PHF7: variants seen among roughly 807,000 people sequenced by gnomAD.
PHF7 encodes the protein E3 ubiquitin-protein ligase PHF7.
PHF7 carries 24 observed loss-of-function variants against 47.5 expected under a neutral mutation model. That is an observed-to-expected ratio of 0.51 (90% CI 0.37 to 0.71). The LOEUF (loss-of-function observed/expected upper bound fraction) is 0.71, where lower values mean the gene tolerates loss of function less well. Among genes scored for constraint, PHF7 ranks in the 30% least tolerant of loss-of-function variants. The probability of loss-of-function intolerance (pLI) is 0.00; values close to 1 mark genes in which losing one functional copy is unlikely to be tolerated. For missense variants in PHF7, 361 were observed against 456.8 expected (o/e 0.79, Z 1.91); for synonymous variants, 156 against 153.8 (o/e 1.01, Z -0.11).
At chr3:52,422,535 C>A in intron 9 of PHF7, 197 bp downstream of exon 9, 3 of 650,306 alleles carry the variant, frequency 4.6e-6, no homozygotes, top group Non-Finnish European at 8.1e-6. Flanking sequence ...TCCGCTTCAC[C>A]TTGTGCCCAG....
In PHF7 at chr3:52,423,375, G is replaced by A. The variant is rs958388281; in HGVS notation, c.*58G>A. 1.7e-5 allele frequency: 20 copies of A among 1,158,610 alleles called. No individual in the cohort carries two copies. Among genetic ancestry groups the A allele is most frequent in the Admixed American group, 9.5e-5 (5 of 52,376 alleles). The allele number at this position is 1,158,610 out of a possible 1,614,324, so 71.8% of individuals were successfully genotyped here. ...GGGTATGAAGCTGCGCTCCTCCATC[G>A]GGTTTGGGGAGGGAGCACTCTGGGA... On this transcript the variant is annotated 3_prime_UTR_variant, in exon 11 of 11. Coordinates refer to ENST00000327906, the MANE Select transcript of PHF7 (RefSeq NM_016483.7).
rs760393867 is a variant in PHF7, at chr3:52,422,859, G to C, written c.897G>C (p.Glu299Asp). The change falls in exon 10 of 11, where the codon GAG (glutamate) becomes GAC (aspartate). Residue 299 changes from glutamate (E) to aspartate (D), a missense_variant. Glu to Asp is a conservative substitution (Grantham distance 45). Transcript: ENST00000327906. ...ACAGTAAGAAATGGGAGTGTGAGGAGTGTTCACCTGCTGCAGCCACAGGTG... is the reference window on the plus strand; with the variant it reads ...ACAGTAAGAAATGGGAGTGTGAGGACTGTTCACCTGCTGCAGCCACAGGTG... ...RSNSKKWECEECSPAAATDYI... is the reference protein window; with the variant it reads ...RSNSKKWECEDCSPAAATDYI... 2 of 1,614,176 alleles carry C rather than the reference G, an allele frequency of 1.2e-6. No individual in the cohort carries two copies. Among genetic ancestry groups the C allele is most frequent in the Non-Finnish European group, 1.7e-6 (2 of 1,180,024 alleles).
chr3:52,414,452 T>C, intron 3 of PHF7, 44 bp from the exon 4 acceptor site: 1 of 1,093,198 alleles, frequency 9.1e-7, no homozygotes, highest in Non-Finnish European at 1.4e-6. Flanking sequence ...TCTTCCATTC[T>C]TAATGGTCAA....
chr3:52,419,724 C>T (rs1214425039), intron 4 of PHF7, 109 bp from the exon 5 acceptor site: 3 of 750,362 alleles, frequency 4.0e-6, no homozygotes, highest in Admixed American at 2.0e-5. Flanking sequence ...AGCCACCACA[C>T]CCGGCCCAAG....
intron 6 of PHF7, 89 bp from the exon 7 acceptor site, chr3:52,420,814 C>A: frequency 1.7e-6 from 2 of 1,204,054 alleles, no homozygotes; most frequent in Non-Finnish European, 2.4e-6. Flanking sequence ...TGGGCACCAG[C>A]CTGGGTGGCT....
At chr3:52,414,148 G>C in intron 3 of PHF7, 100 bp downstream of exon 3, 1 of 770,474 alleles carries the variant, frequency 1.3e-6, no homozygotes, top group Non-Finnish European at 2.3e-6. Flanking sequence ...CTCTCTCCCA[G>C]CCCTACTTCC....
chr3:52,422,334 G>A lies in PHF7; in HGVS notation c.793G>A (p.Glu265Lys), dbSNP rs750409226. 1 of 1,591,880 alleles carries A rather than the reference G, an allele frequency of 6.3e-7. No homozygotes were observed. The highest frequency in any genetic ancestry group is 2.2e-5 in the East Asian group (1 of 44,762). Residue 265 changes from glutamate (E) to lysine (K), a missense_variant, in exon 9 of 11, where the codon GAA becomes AAA. By Grantham distance (56) the Glu-to-Lys change is moderately conservative. Coordinates refer to ENST00000327906, the MANE Select transcript of PHF7 (RefSeq NM_016483.7). Reference protein sequence around the residue: ...YEQGRDSFEDEGRWCLILCAT... With the variant: ...YEQGRDSFEDKGRWCLILCAT... ...ACAAGGCAGAGACAGCTTTGAGGATGAAGGGTAGGGGAAGGCTTCTGGCTA... is the reference window on the plus strand; with the variant it reads ...ACAAGGCAGAGACAGCTTTGAGGATAAAGGGTAGGGGAAGGCTTCTGGCTA...
chr3:52,422,735 A>G, intron 9 of PHF7, 25 bp from the exon 10 acceptor site: 1 of 1,613,776 alleles, frequency 6.2e-7, no homozygotes, highest in Non-Finnish European at 8.5e-7. Context: ...ATGTCTCCAC[A>G]ACCCTTCCTG....
At chr3:52,415,975 G>A (rs548856589) in intron 4 of PHF7, among the ~76,000 whole-genome samples, 2 of 152,266 alleles carry the variant, frequency 1.3e-5, no homozygotes, top group African/African-American at 2.4e-5. Context: ...TGTCCAAAGC[G>A]GTTGTACCAG....
At chr3:52,423,011 G>C in intron 10 of PHF7, 80 bp from the exon 11 acceptor site, 1 of 1,502,138 alleles carries the variant, frequency 6.7e-7, no homozygotes, top group Non-Finnish European at 9.2e-7. Flanking sequence ...TGGAAGGAAA[G>C]TAGCTAGAGA....
At chr3:52,417,381 G>A (rs1421833408) in intron 4 of PHF7, among the ~76,000 whole-genome samples, 1 of 152,094 alleles carries the variant, frequency 6.6e-6, no homozygotes, top group African/African-American at 2.4e-5. Context: ...GTCAATTTGG[G>A]AAGAATTGAC....
chr3:52,417,315 T>A (rs1705655562), intron 4 of PHF7, among the ~76,000 whole-genome samples: 1 of 152,184 alleles, frequency 6.6e-6, no homozygotes, highest in African/African-American at 2.4e-5. Flanking sequence ...CTTGTCAATT[T>A]TTCTTTAAAA....
Position 52,419,862 on chromosome 3 carries a change from C to A in PHF7, c.216C>A (p.Gly72=), listed in dbSNP as rs766206351. 1.2e-6 allele frequency: 2 copies of A among 1,608,222 alleles called. No homozygotes were observed. Among genetic ancestry groups the A allele is most frequent in the South Asian group, 2.2e-5 (2 of 90,042 alleles). The stretch of plus-strand genomic sequence containing the variant: ...TATCTAGTAAGCTGCCTCAGAGGGG[C>A]CAGTCCAACAGAGGCTTCCATGGAT... The part of the protein sequence containing the change: ...LILSSKLPQR[G]QSNRGFHGFL... Residue 72 remains glycine (G), a synonymous_variant, in exon 5 of 11, where the codon GGC becomes GGA. Transcript: ENST00000327906.
rs368268564 is a variant in PHF7 at position 52,422,629 on chromosome 3, C to T, written c.798-131C>T. ...ATGGCAGGCTTCTGGGATCAGCACTCATCCTCTCTGAGCCATACATTCATC... is the reference window on the plus strand; with the variant it reads ...ATGGCAGGCTTCTGGGATCAGCACTTATCCTCTCTGAGCCATACATTCATC... On this transcript the variant is annotated intron_variant, in intron 9 of 10. Transcript: ENST00000327906. The T allele has an allele frequency of 6.4e-5, 61 of 958,198 alleles. No individual in the cohort carries two copies. In the East Asian group the frequency reaches 1.0e-3, roughly 16 times the overall value. The allele number at this position is 958,198 out of a possible 1,614,324, so 59.4% of individuals were successfully genotyped here. A position where few individuals can be genotyped will look rare whatever the true frequency, so the allele number is the denominator to read the frequency against.
chr3:52,414,476 C>G lies in PHF7; in HGVS notation c.95-20C>G. 1 of 1,472,218 alleles carries G rather than the reference C, an allele frequency of 6.8e-7. No individual in the cohort carries two copies. Among genetic ancestry groups the G allele is most frequent in the African/African-American group, 1.4e-5 (1 of 71,816 alleles). The allele number at this position is 1,472,218 out of a possible 1,614,324, so 91.2% of individuals were successfully genotyped here. On this transcript the variant is annotated intron_variant, in intron 3 of 10. Transcript: ENST00000327906. ...CTTAATGGTCAATTTGAGCCAAATTCTGGGTGTCCTCTCTTCCAGTTTGCT... is the reference window on the plus strand; with the variant it reads ...CTTAATGGTCAATTTGAGCCAAATTGTGGGTGTCCTCTCTTCCAGTTTGCT...
At chr3:52,418,385 A>T (rs1705684352) in intron 4 of PHF7, among the ~76,000 whole-genome samples, 1 of 152,204 alleles carries the variant, frequency 6.6e-6, no homozygotes, top group Non-Finnish European at 1.5e-5. Context: ...TAGAACATAT[A>T]GATATAGTTT....
At chr3:52,422,913 CAAG>C (rs1705837336) in intron 10 of PHF7, 32 bp downstream of exon 10, 1 of 1,613,544 alleles carries the variant, frequency 6.2e-7, no homozygotes, top group Non-Finnish European at 8.5e-7. Flanking sequence ...GGCCTCAGAG[CAAG>C]GAGGGGGCTG....
intron 4 of PHF7, among the ~76,000 whole-genome samples, chr3:52,417,603 T>C (rs931088794): frequency 2.0e-5 from 3 of 152,240 alleles, no homozygotes; most frequent in African/African-American, 7.2e-5. Flanking sequence ...AGAAATGCAT[T>C]TTATTTTTGT....
In PHF7 at chr3:52,420,417, A is replaced by G; in HGVS notation, c.395A>G (p.Gln132Arg). ...PCGQERGCLS[Q>R]FFGEYKSFCD... ...GGCCAAGAAAGGGGTTGCCTTTCAC[A>G]ATTTTTTGGAGAGTACAAGTGAGTG... The change falls in exon 6 of 11, where the codon CAA becomes CGA. Residue 132 changes from glutamine (Q) to arginine (R), a missense_variant. Physicochemically the swap from Gln to Arg is conservative, Grantham distance 43. Transcript: ENST00000327906. 2 of 1,614,130 alleles carry G rather than the reference A, an allele frequency of 1.2e-6. No homozygotes were observed. The highest frequency in any genetic ancestry group is 1.7e-6 in the Non-Finnish European group (2 of 1,179,988).
Sources: allele counts gnomAD v4.1 joint callset (sites outside exome capture counted in the v4.1 genomes callset), GRCh38; gene constraint gnomAD v4.1.1; transcripts MANE v1.5; gene names NCBI Gene and HGNC (gene_info 2026-07-23, HGNC 2026-07-21).